Variants in ABCB5 observed in about 807,000 individuals in gnomAD.
ABCB5 encodes ATP binding cassette subfamily B member 5, also known as ATP-binding cassette sub-family B member 5.
Under a neutral mutation model 144.2 loss-of-function variants are expected in ABCB5, and 155 were observed. The observed-to-expected ratio is 1.08, with a 90% CI of 0.94 to 1.23. The LOEUF is 1.23. Ranked by LOEUF, ABCB5 falls within the 50% of genes most tolerant of loss-of-function variation. The pLI is 0.00. For synonymous variants in ABCB5, 610 were observed against 528.6 expected (o/e 1.15, Z -2.11); for missense variants, 1,830 against 1,520.8 (o/e 1.20, Z -3.38).
intron 20 of ABCB5, among the ~76,000 whole-genome samples, chr7:20,708,770 CT>C (rs1310742232): frequency 3.3e-5 from 5 of 152,178 alleles, no homozygotes; most frequent in Admixed American, 3.3e-4. Flanking sequence ...GCCTTAAACA[CT>C]TTACATTTTC....
chr7:20,633,176 C>G (rs1031046349), intron 5 of ABCB5, among the ~76,000 whole-genome samples: 1 of 151,730 alleles, frequency 6.6e-6, no homozygotes, highest in East Asian at 1.9e-4. Context: ...AAAGTTGTAT[C>G]CAAACAAAAA....
intron 14 of ABCB5, among the ~76,000 whole-genome samples, chr7:20,680,968 CTTTT>C: frequency 2.1e-5 from 3 of 144,620 alleles, no homozygotes; most frequent in African/African-American, 5.2e-5. Flanking sequence ...TCCCTCCTTT[CTTTT>C]TCTTTCTTTC....
chr7:20,721,441 G>T (rs1201460198), intron 20 of ABCB5, among the ~76,000 whole-genome samples: 1 of 152,210 alleles, frequency 6.6e-6, no homozygotes, highest in African/African-American at 2.4e-5. Context: ...GCTAGTTTTT[G>T]AGTACCTTTA....
At chr7:20,657,409 G>T (rs1465652719) in intron 13 of ABCB5, among the ~76,000 whole-genome samples, 2 of 152,180 alleles carry the variant, frequency 1.3e-5, no homozygotes, top group Non-Finnish European at 2.9e-5. Flanking sequence ...GCAACCCAAG[G>T]TAAACTCGCA....
chr7:20,631,096 TG>T (rs1784028905), intron 4 of ABCB5, among the ~76,000 whole-genome samples: 1 of 152,190 alleles, frequency 6.6e-6, no homozygotes. Context: ...TATCATTAGT[TG>T]GGGATCCATT....
In ABCB5 at chr7:20,739,013, G is replaced by A. The variant is rs762402886; in HGVS notation, c.2898G>A (p.Met966Ile). The A allele has an allele frequency of 6.2e-7, 1 of 1,611,942 alleles. No homozygotes were observed. The highest frequency in any genetic ancestry group is 8.5e-7 in the Non-Finnish European group (1 of 1,179,108). ...IVFTAIAYGAMAIGETLVLAP... is the reference protein window; with the variant it reads ...IVFTAIAYGAIAIGETLVLAP... ...TTACTGCAATTGCATATGGAGCTAT[G>A]GCCATCGGAGAAACGCTCGTTTTGG... Residue 966 changes from methionine to isoleucine, a missense_variant, in exon 24 of 28, where the codon ATG becomes ATA. Coordinates refer to ENST00000404938, the MANE Select transcript of ABCB5 (RefSeq NM_001163941.2).
chr7:20,637,420 ATTTTTT>A (rs71020651), intron 5 of ABCB5, among the ~76,000 whole-genome samples: 1 of 142,942 alleles, frequency 7.0e-6, no homozygotes, highest in Non-Finnish European at 1.5e-5. Context: ...TGATTACTTA[ATTTTTT>A]TTTTTTTTTT....
At chr7:20,720,285 T>C (rs1285009027) in intron 20 of ABCB5, among the ~76,000 whole-genome samples, 1 of 152,174 alleles carries the variant, frequency 6.6e-6, no homozygotes, top group Non-Finnish European at 1.5e-5. Flanking sequence ...ACTGAAGAAA[T>C]TTAAAAGTCA....
At chr7:20,755,335 G>A (rs551096564) in intron 27 of ABCB5, 92 bp from the exon 28 acceptor site, 2 of 1,094,678 alleles carry the variant, frequency 1.8e-6, no homozygotes, top group Non-Finnish European at 2.7e-6. Context: ...ATAAAGCAAA[G>A]AAGGTTATTA....
At chr7:20,637,876 C>A (rs1314448181) in intron 5 of ABCB5, among the ~76,000 whole-genome samples, 1 of 152,134 alleles carries the variant, frequency 6.6e-6, no homozygotes, top group Non-Finnish European at 1.5e-5. Flanking sequence ...TAAATGAAGC[C>A]ATTAAATCAA....
At chr7:20,664,830 C>A (rs528722112) in intron 14 of ABCB5, among the ~76,000 whole-genome samples, 18 of 152,310 alleles carry the variant, frequency 1.2e-4, no homozygotes, top group African/African-American at 3.8e-4. Context: ...GTGGCTCACA[C>A]TGTAATCCCA....
intron 1 of ABCB5, among the ~76,000 whole-genome samples, chr7:20,622,915 T>G (rs1206875011): frequency 1.3e-5 from 2 of 152,156 alleles, no homozygotes; most frequent in African/African-American, 4.8e-5. Context: ...ATTAAAAATT[T>G]TCACCAATTC....
chr7:20,663,666 T>G lies in ABCB5; in HGVS notation c.1707+4990T>G, dbSNP rs1005817844. 2.7e-5 allele frequency among the ~76,000 whole-genome samples: 4 copies of G among 150,768 alleles called. No individual in the cohort carries two copies. In the East Asian group the frequency reaches 7.8e-4, roughly 29 times the overall value. ...AGAAAGTTCTGGAGATGGGTAGTGG[T>G]GACAGTCGCACAACAGTGTGATTAA... On this transcript the variant is annotated intron_variant, in intron 14 of 27. Transcript: ENST00000404938.
chr7:20,701,108 A>G (rs1295419892), intron 19 of ABCB5, among the ~76,000 whole-genome samples: 2 of 152,204 alleles, frequency 1.3e-5, no homozygotes, highest in Non-Finnish European at 2.9e-5. Flanking sequence ...AAAAGGTCCC[A>G]TTTCTGCTTC....
Position 20,700,144 on chromosome 7 carries a change from T to A in ABCB5, c.2337+9T>A. On this transcript the variant is annotated intron_variant, in intron 19 of 27. Transcript: ENST00000404938. ...AAGCCATGTTATATCAGGTCAGTGA[T>A]AAGTTGATTTTTTTTTTATTTTATT... 6.6e-7 allele frequency: 1 copy of A among 1,515,012 alleles called. No individual in the cohort carries two copies. The highest frequency in any genetic ancestry group is 8.8e-7 in the Non-Finnish European group (1 of 1,140,522). 93.8% of individuals were successfully genotyped at this position (1,515,012 alleles called of 1,614,324 possible). A position where few individuals can be genotyped will look rare whatever the true frequency, so the allele number is the denominator to read the frequency against.
rs752549151 is a variant in ABCB5 at position 20,643,407 on chromosome 7, TG to T, written c.506+33del. On this transcript the variant is annotated intron_variant, in intron 6 of 27. Transcript: ENST00000404938. Reference sequence around the variant, plus strand: ...GGATGATATTGTAGTACGTTAGCTTTGTTTTCATATGTGACATGTAAATGAC... The same window carrying T: ...GGATGATATTGTAGTACGTTAGCTTTTTTTCATATGTGACATGTAAATGAC... 2.5e-6 allele frequency: 4 copies of T among 1,613,168 alleles called. No individual in the cohort carries two copies. In the African/African-American group the frequency reaches 5.3e-5, roughly 22 times the overall value.
chr7:20,708,433 G>A (rs1331086513), intron 20 of ABCB5, among the ~76,000 whole-genome samples: 2 of 152,142 alleles, frequency 1.3e-5, no homozygotes, highest in African/African-American at 4.8e-5. Context: ...GAGCCTGGGA[G>A]GTCAAGGCTG....
chr7:20,681,186 G>C (rs530950345), intron 14 of ABCB5, among the ~76,000 whole-genome samples: 9 of 150,848 alleles, frequency 6.0e-5, no homozygotes, highest in Admixed American at 6.6e-5. Context: ...GAGTGAAATG[G>C]CATGACCTTG....
At position 20,688,981 on chromosome 7, in the gene ABCB5, G is replaced by A. The variant is rs549195466; in HGVS notation, c.2010+3145G>A. 3.3e-5 allele frequency among the ~76,000 whole-genome samples: 5 copies of A among 151,580 alleles called. No homozygotes were observed. The East Asian group carries it at 7.8e-4, about 24-fold the overall frequency. On this transcript the variant is annotated intron_variant, in intron 16 of 27. Transcript: ENST00000404938. ...AGGGTCTGTGGTGGGGTGGGGAGAG[G>A]GGGGAGGGATAGCATTAGGAGATAT...
Sources: gnomAD v4.1 joint callset for allele counts (sites outside exome capture counted in the v4.1 genomes callset) on GRCh38, gnomAD v4.1.1 for gene constraint, MANE v1.5 for transcripts, NCBI Gene and HGNC (gene_info 2026-07-23, HGNC 2026-07-21) for gene names.